CNBD1: variants seen among roughly 807,000 people sequenced by gnomAD.
CNBD1 encodes cyclic nucleotide-binding domain-containing protein 1.
In CNBD1, 71 loss-of-function variants were observed where a neutral mutation model predicts 54.4. The ratio of observed to expected loss-of-function variants is 1.30; its 90% CI spans 1.08 to 1.59. The LOEUF (loss-of-function observed/expected upper bound fraction) is 1.59. Among genes scored for constraint, CNBD1 ranks in the 40% most tolerant of loss-of-function variants. CNBD1 has a pLI of 0.00. For missense variants in CNBD1, 659 were observed against 518.0 expected (o/e 1.27, Z -2.64); for synonymous variants, 182 against 170.7 (o/e 1.07, Z -0.51).
intron 4 of CNBD1, among the ~76,000 whole-genome samples, chr8:87,148,045 A>G (rs1215247426): frequency 6.6e-6 from 1 of 152,174 alleles, no homozygotes; most frequent in Non-Finnish European, 1.5e-5. Context: ...AAGTGTATGT[A>G]TTGAAGAAAA....
chr8:87,020,022 A>T (rs1416728614), intron 4 of CNBD1, among the ~76,000 whole-genome samples: 1 of 152,126 alleles, frequency 6.6e-6, no homozygotes, highest in Admixed American at 6.5e-5. Flanking sequence ...AATAATGCAT[A>T]TGGGTTTTTT....
chr8:87,285,364 T>G (rs1808673157), intron 7 of CNBD1, among the ~76,000 whole-genome samples: 1 of 152,186 alleles, frequency 6.6e-6, no homozygotes, highest in East Asian at 1.9e-4. Context: ...GTTTAATAAT[T>G]TATTCTCTTC....
At chr8:87,285,762 C>G (rs1808685228) in intron 7 of CNBD1, among the ~76,000 whole-genome samples, 1 of 152,040 alleles carries the variant, frequency 6.6e-6, no homozygotes, top group Non-Finnish European at 1.5e-5. Flanking sequence ...CCCAGCTACT[C>G]GGGAGGCTGA....
intron 6 of CNBD1, among the ~76,000 whole-genome samples, chr8:87,243,742 C>G (rs1171992506): frequency 5.9e-5 from 9 of 151,878 alleles, no homozygotes. Flanking sequence ...ATTCGTGACA[C>G]AAAACAGGAG....
At chr8:87,167,829 G>C (rs895182507) in intron 4 of CNBD1, among the ~76,000 whole-genome samples, 2 of 151,808 alleles carry the variant, frequency 1.3e-5, no homozygotes, top group Non-Finnish European at 2.9e-5. Context: ...GAATTATTAG[G>C]TGCATTTTTA....
intron 4 of CNBD1, among the ~76,000 whole-genome samples, chr8:87,029,337 T>C (rs1312847678): frequency 6.6e-6 from 1 of 152,166 alleles, no homozygotes; most frequent in African/African-American, 2.4e-5. Context: ...ATCACAGTCA[T>C]GGTAATTTTC....
intron 2 of CNBD1, among the ~76,000 whole-genome samples, chr8:87,416,303 T>C (rs903314493): frequency 6.6e-6 from 1 of 152,056 alleles, no homozygotes; most frequent in Non-Finnish European, 1.5e-5. Context: ...AACATTCTAT[T>C]TTCTATGAAA....
intron 2 of CNBD1, among the ~76,000 whole-genome samples, chr8:87,419,796 A>T (rs1220075707): frequency 6.6e-6 from 1 of 151,830 alleles, no homozygotes; most frequent in Non-Finnish European, 1.5e-5. Flanking sequence ...GAAAAATTTA[A>T]GGAAAACATG....
chr8:87,373,975 T>C (rs1438400006), intron 10 of CNBD1, among the ~76,000 whole-genome samples: 3 of 151,832 alleles, frequency 2.0e-5, no homozygotes, highest in African/African-American at 7.2e-5. Flanking sequence ...AGTTTTCATC[T>C]GATGAATTCA....
chr8:87,095,954 G>A (rs377594615), intron 4 of CNBD1, among the ~76,000 whole-genome samples: 5 of 152,168 alleles, frequency 3.3e-5, no homozygotes, highest in South Asian at 2.1e-4. Context: ...CACAACGCCC[G>A]GCCCTGTTAT....
At position 87,323,972 on chromosome 8, in the gene CNBD1, G is replaced by A. The variant is rs374946365; in HGVS notation, c.1043-27713G>A. 5.8e-5 allele frequency among the ~76,000 whole-genome samples: 8 copies of A among 137,568 alleles called. No homozygotes were observed. In the South Asian group the frequency reaches 6.8e-4, roughly 12 times the overall value. The allele number at this position is 137,568 out of a possible 152,430, so 90.2% of individuals were successfully genotyped here. On this transcript the variant is annotated intron_variant, in intron 8 of 10. Coordinates refer to ENST00000518476, the MANE Select transcript of CNBD1 (RefSeq NM_173538.3). ...GATAGCTCTTATTATTTTGAAATAC[G>A]TCCCATCAATACCTAATTTATTGAG...
chr8:87,125,591 A>G (rs1811975049), intron 4 of CNBD1, among the ~76,000 whole-genome samples: 1 of 151,846 alleles, frequency 6.6e-6, no homozygotes, highest in Non-Finnish European at 1.5e-5. Flanking sequence ...CAAATTTCTT[A>G]TTTTTTAAAT....
chr8:87,280,608 G>A (rs1291546295), intron 6 of CNBD1, among the ~76,000 whole-genome samples: 1 of 151,260 alleles, frequency 6.6e-6, no homozygotes, highest in Non-Finnish European at 1.5e-5. Context: ...GTAAATGCCT[G>A]GAGGCTAAAA....
At chr8:87,252,931 G>C (rs144618967) in intron 6 of CNBD1, among the ~76,000 whole-genome samples, 1 of 152,082 alleles carries the variant, frequency 6.6e-6, no homozygotes. Flanking sequence ...AAAGGAGAGA[G>C]GGCACATACG....
chr8:87,314,399 T>C (rs1458846873), intron 8 of CNBD1, among the ~76,000 whole-genome samples: 1 of 151,726 alleles, frequency 6.6e-6, no homozygotes, highest in Non-Finnish European at 1.5e-5. Flanking sequence ...CTAAAAAGGA[T>C]TTGAGGACAG....
chr8:87,372,263 T>G (rs1014194377), intron 10 of CNBD1, among the ~76,000 whole-genome samples: 1 of 151,976 alleles, frequency 6.6e-6, no homozygotes, highest in Non-Finnish European at 1.5e-5. Flanking sequence ...AAAAAATACC[T>G]AGTGCTGCTT....
At chr8:86,931,730 G>A (rs976640104) in intron 3 of CNBD1, among the ~76,000 whole-genome samples, 4 of 152,186 alleles carry the variant, frequency 2.6e-5, no homozygotes, top group East Asian at 1.9e-4. Context: ...ACTAGCTTTC[G>A]GAGGTTTCTC....
At chr8:87,352,575 G>A (rs1362731615) in intron 9 of CNBD1, among the ~76,000 whole-genome samples, 1 of 151,734 alleles carries the variant, frequency 6.6e-6, no homozygotes, top group Non-Finnish European at 1.5e-5. Flanking sequence ...AAATGTTACA[G>A]TATATTTATA....
At chr8:86,893,964 C>T (rs1808810094) in intron 2 of CNBD1, among the ~76,000 whole-genome samples, 1 of 148,192 alleles carries the variant, frequency 6.7e-6, no homozygotes, top group African/African-American at 2.5e-5. Flanking sequence ...ATTCTCAAAT[C>T]TCTTCTCATC....
Sources: allele counts gnomAD v4.1 joint callset (sites outside exome capture counted in the v4.1 genomes callset), GRCh38; gene constraint gnomAD v4.1.1; transcripts MANE v1.5; gene names NCBI Gene and HGNC (gene_info 2026-07-23, HGNC 2026-07-21).